The following CPNE4 variants were observed in gnomAD, a reference collection of about 807,000 sequenced individuals.
CPNE4 encodes the protein copine-4.
CPNE4 carries 25 observed loss-of-function variants against 67.9 expected under a neutral mutation model. The observed-to-expected ratio is 0.37, with a 90% confidence interval of 0.27 to 0.51. CPNE4 has a LOEUF of 0.51. Ranked by LOEUF, CPNE4 falls within the 20% of genes least tolerant of loss-of-function variation. The probability of loss-of-function intolerance (pLI) is 0.93; values close to 1 mark genes in which losing one functional copy is unlikely to be tolerated. For missense variants in CPNE4, 464 were observed against 690.8 expected, an observed-to-expected ratio of 0.67 and a Z score of 3.68; for synonymous variants, 242 against 244.9, an observed-to-expected ratio of 0.99 and a Z score of 0.11.
chr3:131,581,217 A>C (rs955382372), intron 9 of CPNE4, among the ~76,000 whole-genome samples: 2 of 152,074 alleles, frequency 1.3e-5, no homozygotes, highest in Admixed American at 6.6e-5. Flanking sequence ...CAAACCAAAC[A>C]AAACAACCAC....
chr3:131,788,294 A>G (rs2083619828), intron 2 of CPNE4, among the ~76,000 whole-genome samples: 1 of 152,172 alleles, frequency 6.6e-6, no homozygotes, highest in African/African-American at 2.4e-5. Context: ...TAAATAAAGA[A>G]GTTATGCATG....
chr3:132,031,688 T>G (rs539113157), intron 1 of CPNE4, among the ~76,000 whole-genome samples: 1 of 152,214 alleles, frequency 6.6e-6, no homozygotes, highest in Non-Finnish European at 1.5e-5. Context: ...GTGTTACATT[T>G]CAAAGAATTT....
chr3:131,702,349 G>A (rs2081321463), intron 3 of CPNE4, among the ~76,000 whole-genome samples: 1 of 152,164 alleles, frequency 6.6e-6, no homozygotes, highest in African/African-American at 2.4e-5. Context: ...GAATAGAGTG[G>A]TAAGTAAAAT....
At chr3:131,934,869 T>A (rs919681031) in intron 1 of CPNE4, among the ~76,000 whole-genome samples, 2 of 152,142 alleles carry the variant, frequency 1.3e-5, no homozygotes, top group African/African-American at 4.8e-5. Context: ...CTTCCATTAA[T>A]CATCAAGGAA....
chr3:131,544,248 G>A (rs964291517), intron 14 of CPNE4, among the ~76,000 whole-genome samples: 46 of 152,192 alleles, frequency 3.0e-4, no homozygotes, highest in African/African-American at 1.0e-3. Flanking sequence ...AGAAAGATTG[G>A]ATAGAAGAGT....
chr3:131,958,971 T>TAAGTTTCAGTTATCCTA (rs1560682558), intron 1 of CPNE4, among the ~76,000 whole-genome samples: 1 of 20,772 alleles, frequency 4.8e-5, no homozygotes, highest in Non-Finnish European at 9.2e-5. Context: ...TACACCTTTC[T>TAAGTTTCAGTTATCCTA]TTTTTTTTTT....
At chr3:131,944,277 G>C (rs568638277) in intron 1 of CPNE4, among the ~76,000 whole-genome samples, 4 of 151,570 alleles carry the variant, frequency 2.6e-5, no homozygotes, top group African/African-American at 7.3e-5. Context: ...GCAGTTTGGT[G>C]TCATCCCTTC....
intron 7 of CPNE4, among the ~76,000 whole-genome samples, chr3:131,611,861 A>G (rs951445892): frequency 6.6e-6 from 1 of 152,094 alleles, no homozygotes; most frequent in African/African-American, 2.4e-5. Context: ...AAACTTCACC[A>G]TGAGCAAGGA....
chr3:131,607,952 C>A (rs548352910), intron 7 of CPNE4, among the ~76,000 whole-genome samples: 4 of 152,268 alleles, frequency 2.6e-5, no homozygotes, highest in African/African-American at 7.2e-5. Flanking sequence ...AAGCTGACAG[C>A]AGCTGCTTCC....
chr3:131,740,644 T>C (rs2107778012), intron 2 of CPNE4, among the ~76,000 whole-genome samples: 1 of 152,314 alleles, frequency 6.6e-6, no homozygotes, highest in South Asian at 2.1e-4. Context: ...ATTAGGATAC[T>C]GTCTTAGCTA....
At chr3:131,563,573 T>C (rs1936901032) in intron 11 of CPNE4, among the ~76,000 whole-genome samples, 1 of 152,074 alleles carries the variant, frequency 6.6e-6, no homozygotes, top group Admixed American at 6.6e-5. Context: ...TATACATACA[T>C]GCAAACATAC....
intron 1 of CPNE4, among the ~76,000 whole-genome samples, chr3:131,980,634 T>A (rs1409043160): frequency 6.6e-6 from 1 of 152,188 alleles, no homozygotes; most frequent in Non-Finnish European, 1.5e-5. Flanking sequence ...TGCACTGGGC[T>A]TCACCTGTCT....
chr3:131,591,043 T>C (rs147788229), intron 7 of CPNE4, among the ~76,000 whole-genome samples: 211 of 152,326 alleles, frequency 1.4e-3, no homozygotes, highest in African/African-American at 4.7e-3. Flanking sequence ...GAACACTGAA[T>C]TGATCTGCTG....
At chr3:131,829,168 C>T in intron 2 of CPNE4, among the ~76,000 whole-genome samples, 1 of 152,082 alleles carries the variant, frequency 6.6e-6, no homozygotes. Context: ...GAAAGGCCTT[C>T]CCCCATAACT....
At chr3:131,670,437 A>G (rs1296067670) in intron 6 of CPNE4, among the ~76,000 whole-genome samples, 1 of 152,224 alleles carries the variant, frequency 6.6e-6, no homozygotes. Flanking sequence ...AACTTGGCTA[A>G]TCCTGGCCTA....
At chr3:131,772,218 C>T (rs2083185037) in intron 2 of CPNE4, among the ~76,000 whole-genome samples, 1 of 152,032 alleles carries the variant, frequency 6.6e-6, no homozygotes, top group South Asian at 2.1e-4. Context: ...GAAGAGAAGG[C>T]TACTTAGCCC....
chr3:131,970,263 C>A (rs2072466229), intron 1 of CPNE4, among the ~76,000 whole-genome samples: 1 of 152,126 alleles, frequency 6.6e-6, no homozygotes, highest in Admixed American at 6.6e-5. Flanking sequence ...CACACCAACC[C>A]CCACACAGAT....
intron 2 of CPNE4, among the ~76,000 whole-genome samples, chr3:131,743,962 C>CAAAAAAAAAAAAAAAAAAAAAA (rs67791015): frequency 1.0e-4 from 6 of 59,206 alleles, no homozygotes; most frequent in African/African-American, 3.7e-4. Flanking sequence ...GACTCCGTCT[C>CAAAAAAAAAAAAAAAAAAAAAA]AAAAAAAAAA....
intron 1 of CPNE4, among the ~76,000 whole-genome samples, chr3:131,925,087 C>T (rs367784117): frequency 2.0e-5 from 3 of 151,982 alleles, no homozygotes; most frequent in East Asian, 1.9e-4. Context: ...CTGTGGATTC[C>T]TTCCTCTCGT....
Sources: gnomAD v4.1 joint callset for allele counts (sites outside exome capture counted in the v4.1 genomes callset) on GRCh38, gnomAD v4.1.1 for gene constraint, MANE v1.5 for transcripts, NCBI Gene and HGNC (gene_info 2026-07-23, HGNC 2026-07-21) for gene names.